Variants in GALC observed in about 807,000 individuals in gnomAD.
GALC encodes the protein galactosylceramidase.
A neutral mutation model predicts 91.8 loss-of-function variants in GALC; 77 were observed. The observed-to-expected ratio is 0.84, with a 90% confidence interval of 0.70 to 1.01. The LOEUF (loss-of-function observed/expected upper bound fraction) is 1.01. Ranked by LOEUF, GALC falls within the 50% of genes least tolerant of loss-of-function variation. The pLI, the probability that GALC is intolerant of heterozygous loss-of-function variation, is 0.00. For missense variants in GALC, 882 were observed against 855.9 expected (o/e 1.03, Z -0.38); for synonymous variants, 357 against 306.7 (o/e 1.16, Z -1.71).
chr14:87,934,954 GC>G, intron 16 of GALC, 76 bp from the exon 17 acceptor site: 1 of 1,047,110 alleles, frequency 9.6e-7, no homozygotes. Flanking sequence ...ATCATGTATG[GC>G]CCACTACTTA....
At chr14:87,984,935 A>G (rs1886907722) in intron 4 of GALC, among the ~76,000 whole-genome samples, 1 of 82,590 alleles carries the variant, frequency 1.2e-5, no homozygotes, top group South Asian at 6.1e-4. Flanking sequence ...GGCTTATGCC[A>G]AACTACTCTT....
At chr14:87,946,467 T>C (rs189634388) in intron 13 of GALC, among the ~76,000 whole-genome samples, 1 of 151,896 alleles carries the variant, frequency 6.6e-6, no homozygotes, top group South Asian at 2.1e-4. Flanking sequence ...TTGAGACATT[T>C]AGAACCCTAA....
At chr14:87,940,127 C>A in intron 15 of GALC, 146 bp from the exon 16 acceptor site, 1 of 736,450 alleles carries the variant, frequency 1.4e-6, no homozygotes, top group South Asian at 1.5e-5. Flanking sequence ...CCCAGATCTA[C>A]AACTGAGTTA....
Position 87,983,301 on chromosome 14 carries a change from C to G in GALC, c.583-1058G>C, listed in dbSNP as rs567040996. ...GAGCCAAGATCACAACACTGCACTCCAATCCGGGTGACAGTGTAAAAAAAA... is the reference window on the plus strand; with the variant it reads ...GAGCCAAGATCACAACACTGCACTCGAATCCGGGTGACAGTGTAAAAAAAA... On this transcript the variant is annotated intron_variant, in intron 5 of 16. Coordinates refer to ENST00000261304, the MANE Select transcript of GALC (RefSeq NM_000153.4). 6.7e-4 allele frequency among the ~76,000 whole-genome samples: 101 copies of G among 151,762 alleles called. 1 individual carries two copies. The highest frequency in any genetic ancestry group is 2.3e-3 in the African/African-American group (94 of 41,448).
chr14:87,935,700 C>T (rs879284165), intron 16 of GALC, among the ~76,000 whole-genome samples: 6 of 152,072 alleles, frequency 3.9e-5, no homozygotes, highest in African/African-American at 7.2e-5. Flanking sequence ...TCATATAAAA[C>T]TAGCTACTCT....
intron 10 of GALC, among the ~76,000 whole-genome samples, chr14:87,959,334 A>T (rs889139525): frequency 3.9e-5 from 6 of 152,200 alleles, no homozygotes; most frequent in Non-Finnish European, 7.4e-5. Context: ...AGTGTTGGTG[A>T]GGATGTGGAA....
intron 13 of GALC, among the ~76,000 whole-genome samples, 181 bp from the exon 14 acceptor site, chr14:87,945,914 A>C (rs1253228906): frequency 6.6e-6 from 1 of 152,074 alleles, no homozygotes; most frequent in Non-Finnish European, 1.5e-5. Flanking sequence ...ATCATTACTA[A>C]ATATCAAGAT....
chr14:87,983,125 G>A (rs1320189317), intron 5 of GALC, among the ~76,000 whole-genome samples: 1 of 151,996 alleles, frequency 6.6e-6, no homozygotes, highest in Non-Finnish European at 1.5e-5. Flanking sequence ...GGATCACGAG[G>A]TCAGGAGTTT....
Position 87,934,460 on chromosome 14 carries a change from A to C in GALC, c.*272T>G, listed in dbSNP as rs962978632. 3 of 1,350,664 alleles carry C rather than the reference A, an allele frequency of 2.2e-6. No individual in the cohort carries two copies. Among genetic ancestry groups the C allele is most frequent in the African/African-American group, 2.9e-5 (2 of 67,822 alleles). The allele number at this position is 1,350,664 out of a possible 1,614,324, so 83.7% of individuals were successfully genotyped here. A position where few individuals can be genotyped will look rare whatever the true frequency, so the allele number is the denominator to read the frequency against. ...CAAGGCTTCGAGGTCTGTACTACTC[A>C]AACCACTCCTAAGGGTATGGCCAAT... On this transcript the variant is annotated 3_prime_UTR_variant, in exon 17 of 17. Transcript: ENST00000261304.
At chr14:87,944,643 C>T (rs1276954791) in intron 14 of GALC, among the ~76,000 whole-genome samples, 2 of 151,994 alleles carry the variant, frequency 1.3e-5, no homozygotes, top group African/African-American at 4.8e-5. Flanking sequence ...GTTCCAGGGG[C>T]TCTGGATAAC....
intron 10 of GALC, chr14:87,954,185 C>G: frequency 6.3e-7 from 1 of 1,585,194 alleles, no homozygotes; most frequent in Non-Finnish European, 8.7e-7. Context: ...CAAAACATTC[C>G]TACCTCAGAG....
At chr14:87,992,754 A>G (rs533427947) in intron 1 of GALC, 2 of 1,419,540 alleles carry the variant, frequency 1.4e-6, no homozygotes, top group Non-Finnish European at 1.8e-6. Context: ...CATTTGTTCA[A>G]ACCTAACTGC....
chr14:87,951,145 A>AAT (rs959724000), intron 10 of GALC, among the ~76,000 whole-genome samples: 18 of 150,902 alleles, frequency 1.2e-4, no homozygotes, highest in South Asian at 6.3e-4. Context: ...AGAAGTAAAA[A>AAT]ATATATATAT....
At chr14:87,974,742 G>T (rs1383279370) in intron 7 of GALC, among the ~76,000 whole-genome samples, 1 of 150,906 alleles carries the variant, frequency 6.6e-6, no homozygotes, top group African/African-American at 2.4e-5. Context: ...AAGCTCCTGA[G>T]AAATTTCCCA....
chr14:87,992,683 T>C, intron 1 of GALC: 2 of 1,437,656 alleles, frequency 1.4e-6, no homozygotes, highest in Non-Finnish European at 1.8e-6. Context: ...CCCCGGCTAC[T>C]TCACTACTTA....
In GALC at chr14:87,949,798, T is replaced by C. The variant is rs185563478; in HGVS notation, c.1338+47A>G. 63 of 920,804 alleles carry C rather than the reference T, an allele frequency of 6.8e-5. No homozygotes were observed. In the Admixed American group the frequency reaches 7.5e-4, roughly 11 times the overall value. The allele number at this position is 920,804 out of a possible 1,614,324, so 57.0% of individuals were successfully genotyped here. ...ATGACATTTCTGTGCCCTTTTACTGTTTTACTGTTGGAATACCCAAAATAT... is the reference window on the plus strand; with the variant it reads ...ATGACATTTCTGTGCCCTTTTACTGCTTTACTGTTGGAATACCCAAAATAT... On this transcript the variant is annotated intron_variant, in intron 12 of 16. Transcript: ENST00000261304.
chr14:87,987,432 G>A (rs1055702368), intron 3 of GALC, among the ~76,000 whole-genome samples: 1 of 152,176 alleles, frequency 6.6e-6, no homozygotes, highest in Non-Finnish European at 1.5e-5. Flanking sequence ...TGTTATGGGG[G>A]TTTCTTTTGT....
intron 10 of GALC, chr14:87,952,914 G>A (rs1179124188): frequency 3.2e-6 from 3 of 925,220 alleles, no homozygotes; most frequent in Non-Finnish European, 5.3e-6. Context: ...GCTTCTCAGT[G>A]AAAATAAAAT....
rs1175809028 is a variant in GALC at position 87,986,560 on chromosome 14, T to G, written c.371A>C (p.Asn124Thr). ...PSHMHYALDENYFRGYEWWLM... is the reference protein window; with the variant it reads ...PSHMHYALDETYFRGYEWWLM... Reference sequence around the variant, plus strand: ...CCACCACTCGTATCCTCGGAAATAATTCTCATCTAGTGCATAATGCATGTG... The same window carrying G: ...CCACCACTCGTATCCTCGGAAATAAGTCTCATCTAGTGCATAATGCATGTG... The change falls in exon 4 of 17, where the codon AAT (asparagine) becomes ACT (threonine). Residue 124 changes from asparagine to threonine, a missense_variant. Physicochemically the swap from Asn to Thr is moderately conservative, Grantham distance 65. Transcript: ENST00000261304. The G allele has an allele frequency of 1.2e-6, 2 of 1,613,910 alleles. No homozygotes were observed. The highest frequency in any genetic ancestry group is 1.7e-6 in the Non-Finnish European group (2 of 1,179,816).
Sources: allele counts gnomAD v4.1 joint callset (sites outside exome capture counted in the v4.1 genomes callset), GRCh38; gene constraint gnomAD v4.1.1; transcripts MANE v1.5; gene names NCBI Gene and HGNC (gene_info 2026-07-23, HGNC 2026-07-21).